Variants in ZNF141 observed in about 807,000 individuals in gnomAD.
ZNF141 encodes the protein zinc finger protein 141, also known as zinc finger protein 141 (clone pHZ-44).
A neutral mutation model predicts 11.3 loss-of-function variants in ZNF141; 7 were observed. The ratio of observed to expected loss-of-function variants is 0.62; its 90% CI spans 0.35 to 1.16. The LOEUF (loss-of-function observed/expected upper bound fraction) is 1.16, where lower values mean the gene tolerates loss of function less well. ZNF141 is among the 50% of genes most tolerant of loss of function. ZNF141 has a pLI of 0.02. For synonymous variants in ZNF141, 183 were observed against 190.7 expected, an observed-to-expected ratio of 0.96 and a Z score of 0.33; for missense variants, 535 against 554.0, an observed-to-expected ratio of 0.97 and a Z score of 0.34.
Position 358,437 on chromosome 4 carries a change from C to A in ZNF141, c.226+14007C>A, listed in dbSNP as rs183345622. 6.8e-5 allele frequency: 18 copies of A among 264,658 alleles called. No homozygotes were observed. In the East Asian group the frequency reaches 1.7e-3, roughly 25 times the overall value. 16.4% of individuals were successfully genotyped at this position (264,658 alleles called of 1,614,324 possible). A position where few individuals can be genotyped will look rare whatever the true frequency, so the allele number is the denominator to read the frequency against. On this transcript the variant is annotated intron_variant, in intron 3 of 3. Transcript: ENST00000240499. Reference sequence around the variant, plus strand: ...CTGACCTCAAGTGATCCGCCTGCCTCAGCCTCCTGAAGTGCTGGGATTACA... The same window carrying A: ...CTGACCTCAAGTGATCCGCCTGCCTAAGCCTCCTGAAGTGCTGGGATTACA...
At chr4:366,835 T>C (rs1249931769) in intron 3 of ZNF141, among the ~76,000 whole-genome samples, 1 of 152,104 alleles carries the variant, frequency 6.6e-6, no homozygotes, top group African/African-American at 2.4e-5. Flanking sequence ...ACCTGGTTAA[T>C]TTTTGTATTT....
At position 381,206 on chromosome 4, in the gene ZNF141, G is replaced by T. The variant is rs550266456; in HGVS notation, c.*7344G>T. Among the ~76,000 whole-genome samples, 2 of 151,834 alleles carry T rather than the reference G, an allele frequency of 1.3e-5. No individual in the cohort carries two copies. The highest frequency in any genetic ancestry group is 2.9e-5 in the Non-Finnish European group (2 of 67,986). On this transcript the variant is annotated 3_prime_UTR_variant, in exon 4 of 4. Transcript: ENST00000240499. ...ACTCTATTAGTTTAGTTTCCTTTGT[G>T]CCTGTTTCTCAGTTTTGCCTAAATG...
rs1030776591 is a variant in ZNF141 at position 369,877 on chromosome 4, C to G, written c.227-2787C>G. On this transcript the variant is annotated intron_variant, in intron 3 of 3. Coordinates refer to ENST00000240499, the MANE Select transcript of ZNF141 (RefSeq NM_003441.4). ...TGCCTCTTGGGTTCAAGCGATTCTC[C>G]TGCCTCAGCCTCCTGAGTAGCTGGG... 4.7e-5 allele frequency among the ~76,000 whole-genome samples: 7 copies of G among 149,534 alleles called. No homozygotes were observed. In the East Asian group the frequency reaches 1.2e-3, roughly 25 times the overall value.
chr4:371,357 G>T (rs1338593889), intron 3 of ZNF141, among the ~76,000 whole-genome samples: 2 of 150,134 alleles, frequency 1.3e-5, no homozygotes, highest in African/African-American at 2.5e-5. Flanking sequence ...TCAGCCTTCC[G>T]AGTAGCTGGG....
intron 3 of ZNF141, among the ~76,000 whole-genome samples, chr4:353,815 CTACGTCTCCTCCA>C (rs1721721372): frequency 2.0e-5 from 3 of 152,134 alleles, no homozygotes; most frequent in Admixed American, 2.0e-4. Context: ...TAATGTGATT[CTACGTCTCCTCCA>C]TAGGGGACTG....
chr4:360,161 C>T (rs375560520), intron 3 of ZNF141, among the ~76,000 whole-genome samples: 4 of 152,156 alleles, frequency 2.6e-5, no homozygotes, highest in East Asian at 1.9e-4. Flanking sequence ...CCAAAGTTGC[C>T]GTAAAGGTTG....
chr4:341,301 T>C (rs1721039229), intron 1 of ZNF141, among the ~76,000 whole-genome samples: 1 of 152,102 alleles, frequency 6.6e-6, no homozygotes, highest in Non-Finnish European at 1.5e-5. Flanking sequence ...GACCTTGTGA[T>C]CCACCCGCCT....
chr4:363,528 G>A (rs545858815), intron 3 of ZNF141, among the ~76,000 whole-genome samples: 129 of 152,144 alleles, frequency 8.5e-4, no homozygotes, highest in Admixed American at 2.7e-3. Flanking sequence ...AGGCCAAGGC[G>A]GGCAGATCAT....
rs1303170044 is a variant in ZNF141, at chr4:383,248, A to T, written c.*9386A>T. On this transcript the variant is annotated 3_prime_UTR_variant, in exon 4 of 4. Transcript: ENST00000240499. ...TAACCACTCACACCTGAAGGAGCCA[A>T]ACTGAGCCCAGAAGAATGGCCCGGC... is the stretch of plus-strand genomic sequence containing the variant. 1 of 663,542 alleles carries T rather than the reference A, an allele frequency of 1.5e-6. No individual in the cohort carries two copies. 41.1% of individuals were successfully genotyped at this position (663,542 alleles called of 1,614,324 possible). A position where few individuals can be genotyped will look rare whatever the true frequency, so the allele number is the denominator to read the frequency against.
At chr4:351,580 A>G (rs1242763994) in intron 3 of ZNF141, among the ~76,000 whole-genome samples, 2 of 152,158 alleles carry the variant, frequency 1.3e-5, no homozygotes, top group Admixed American at 6.5e-5. Context: ...AGTGCCTTAC[A>G]ATTTTCTTTC....
intron 3 of ZNF141, among the ~76,000 whole-genome samples, chr4:363,705 C>T (rs1329742788): frequency 6.6e-6 from 1 of 151,668 alleles, no homozygotes; most frequent in East Asian, 1.9e-4. Context: ...TTGCAGTGAG[C>T]CAAGATCGTG....
intron 3 of ZNF141, among the ~76,000 whole-genome samples, chr4:347,283 C>T (rs570436423): frequency 1.3e-4 from 19 of 151,432 alleles, no homozygotes; most frequent in Non-Finnish European, 1.9e-4. Context: ...GTGATCCACC[C>T]GTCTCAGCCT....
rs562072940 is a variant in ZNF141 at position 379,396 on chromosome 4, G to C, written c.*5534G>C. 2.6e-5 allele frequency among the ~76,000 whole-genome samples: 4 copies of C among 151,986 alleles called. No individual in the cohort carries two copies. In the South Asian group the frequency reaches 8.3e-4, roughly 31 times the overall value. The stretch of plus-strand genomic sequence containing the variant: ...ATTTTCTTCTTTATTTTATTTTTGA[G>C]ACGGAGTCTCGCTCTGTCGCCAGGC... On this transcript the variant is annotated 3_prime_UTR_variant, in exon 4 of 4. Transcript: ENST00000240499.
At position 374,031 on chromosome 4, in the gene ZNF141, G is replaced by A. The variant is rs1553854210; in HGVS notation, c.*169G>A. On this transcript the variant is annotated 3_prime_UTR_variant, in exon 4 of 4. Coordinates refer to ENST00000240499, the MANE Select transcript of ZNF141 (RefSeq NM_003441.4). ...TAAACATAAGAGAATTCATACCGGA[G>A]AGAAACTGTACAAATGTGAAGAATA... 5.9e-6 allele frequency: 4 copies of A among 677,732 alleles called. No individual in the cohort carries two copies. The highest frequency in any genetic ancestry group is 2.6e-5 in the East Asian group (1 of 38,350). The allele number at this position is 677,732 out of a possible 1,614,324, so 42.0% of individuals were successfully genotyped here.
chr4:350,614 A>G (rs1325421549), intron 3 of ZNF141, among the ~76,000 whole-genome samples: 6 of 152,002 alleles, frequency 3.9e-5, no homozygotes, highest in South Asian at 2.1e-4. Flanking sequence ...TGTAATCCCT[A>G]TTGTTGGAGG....
At chr4:342,401 A>G (rs1381901145) in intron 1 of ZNF141, among the ~76,000 whole-genome samples, 4 of 152,156 alleles carry the variant, frequency 2.6e-5, no homozygotes, top group African/African-American at 7.2e-5. Context: ...GATGAAAAGT[A>G]TTTGTGTTGT....
At position 381,658 on chromosome 4, in the gene ZNF141, G is replaced by A. The variant is rs1053199770; in HGVS notation, c.*7796G>A. 1.3e-5 allele frequency among the ~76,000 whole-genome samples: 2 copies of A among 151,836 alleles called. No homozygotes were observed. Among genetic ancestry groups the A allele is most frequent in the African/African-American group, 4.8e-5 (2 of 41,326 alleles). On this transcript the variant is annotated 3_prime_UTR_variant, in exon 4 of 4. Coordinates refer to ENST00000240499, the MANE Select transcript of ZNF141 (RefSeq NM_003441.4). ...CTCCTGACCTTAAGTGATCCACCCA[G>A]TCAGCCTCCCAAAGTGCTGGGATTA... is the stretch of plus-strand genomic sequence containing the variant.
Position 350,133 on chromosome 4 carries a change from G to A in ZNF141, c.226+5703G>A, listed in dbSNP as rs782778682. 4.5e-5 allele frequency: 24 copies of A among 534,046 alleles called. 1 individual carries two copies. Among genetic ancestry groups the A allele is most frequent in the South Asian group, 3.2e-4 (23 of 71,596 alleles). 33.1% of individuals were successfully genotyped at this position (534,046 alleles called of 1,614,324 possible). ...ACTGTAGCTGAGATTGAATTTGAGA[G>A]AGGTTACAGAACTGCTTCAGAATCC... On this transcript the variant is annotated intron_variant, in intron 3 of 3. Coordinates refer to ENST00000240499, the MANE Select transcript of ZNF141 (RefSeq NM_003441.4).
At chr4:344,524 A>C (rs78000808) in intron 3 of ZNF141, 94 bp downstream of exon 3, 1 of 1,047,876 alleles carries the variant, frequency 9.5e-7, no homozygotes, top group East Asian at 2.8e-5. Flanking sequence ...GGCCGGGTGC[A>C]GTGGCTCATG....
Sources: gnomAD v4.1 joint callset for allele counts (sites outside exome capture counted in the v4.1 genomes callset) on GRCh38, gnomAD v4.1.1 for gene constraint, MANE v1.5 for transcripts, NCBI Gene and HGNC (gene_info 2026-07-23, HGNC 2026-07-21) for gene names.